Variants in GRIP1 observed in about 807,000 individuals in gnomAD.
GRIP1 encodes the protein glutamate receptor-interacting protein 1.
A neutral mutation model predicts 129.9 loss-of-function variants in GRIP1; 45 were observed. That is an observed-to-expected ratio of 0.35 (90% CI 0.27 to 0.44). The LOEUF (loss-of-function observed/expected upper bound fraction) is 0.44, where lower values mean the gene tolerates loss of function less well. Ranked by LOEUF, GRIP1 falls within the 20% of genes least tolerant of loss-of-function variation. The probability of loss-of-function intolerance (pLI) is 1.00; values close to 1 mark genes in which losing one functional copy is unlikely to be tolerated. For missense variants in GRIP1, 1,196 were observed against 1,396.8 expected, an observed-to-expected ratio of 0.86 and a Z score of 2.29; for synonymous variants, 530 against 520.8, an observed-to-expected ratio of 1.02 and a Z score of -0.24.
At chr12:66,500,612 C>T (rs771717684) in intron 7 of GRIP1, among the ~76,000 whole-genome samples, 22 of 152,248 alleles carry the variant, frequency 1.4e-4, no homozygotes, top group Non-Finnish European at 2.8e-4. Flanking sequence ...CAGTGAGTCT[C>T]TTGCATTTTA....
chr12:66,426,680 G>A (rs2057998305), intron 14 of GRIP1, among the ~76,000 whole-genome samples: 1 of 152,028 alleles, frequency 6.6e-6, no homozygotes, highest in African/African-American at 2.4e-5. Flanking sequence ...TGGTCCTAAA[G>A]AGCTGTTCAA....
At chr12:66,959,665 T>C (rs2041893992) in intron 1 of GRIP1, among the ~76,000 whole-genome samples, 1 of 152,046 alleles carries the variant, frequency 6.6e-6, no homozygotes. Context: ...AAATAGAAAA[T>C]ATCATTTTAA....
intron 1 of GRIP1, among the ~76,000 whole-genome samples, chr12:66,721,849 C>T (rs1191296901): frequency 6.6e-6 from 1 of 152,202 alleles, no homozygotes; most frequent in East Asian, 1.9e-4. Flanking sequence ...TCACCTTGTA[C>T]TTTTATGTTA....
At position 66,755,224 on chromosome 12, in the gene GRIP1, C is replaced by A. The variant is rs1306204210; in HGVS notation, c.-420+48829G>T. Among the ~76,000 whole-genome samples, 3 of 152,128 alleles carry A rather than the reference C, an allele frequency of 2.0e-5. No individual in the cohort carries two copies. The East Asian group carries it at 5.8e-4, about 29-fold the overall frequency. On this transcript the variant is annotated intron_variant, in intron 1 of 4. Coordinates refer to the GRIP1 transcript ENST00000538373. ...AAACAGTAAAAAGGCAATGAAAAAA[C>A]AAGCCTTTAATATTTTTTTAGAAAT...
chr12:66,526,660 A>G (rs554583840), intron 5 of GRIP1, among the ~76,000 whole-genome samples: 11 of 148,524 alleles, frequency 7.4e-5, no homozygotes, highest in African/African-American at 2.5e-4. Context: ...AATGGCAACA[A>G]AAGCCAAAAT....
At chr12:66,983,014 C>T (rs2042261401) in intron 1 of GRIP1, among the ~76,000 whole-genome samples, 1 of 152,176 alleles carries the variant, frequency 6.6e-6, no homozygotes, top group Non-Finnish European at 1.5e-5. Flanking sequence ...TCATTAGCTT[C>T]TGGCACTTTT....
intron 1 of GRIP1, among the ~76,000 whole-genome samples, chr12:66,620,776 C>T (rs1007314542): frequency 2.0e-5 from 3 of 151,946 alleles, no homozygotes; most frequent in Admixed American, 1.3e-4. Flanking sequence ...CCTCACCCCC[C>T]CAACCCCTCC....
intron 1 of GRIP1, among the ~76,000 whole-genome samples, chr12:66,711,126 C>T (rs1304529138): frequency 6.6e-6 from 1 of 151,736 alleles, no homozygotes; most frequent in Non-Finnish European, 1.5e-5. Context: ...AGATGCATAA[C>T]CTGATTTAGA....
In GRIP1 at chr12:66,371,786, G is replaced by A. The variant is rs1316562769; in HGVS notation, c.2920C>T (p.Pro974Ser). The A allele has an allele frequency of 6.2e-7, 1 of 1,614,000 alleles. No individual in the cohort carries two copies. The highest frequency in any genetic ancestry group is 8.5e-7 in the Non-Finnish European group (1 of 1,179,874). ...YSQTTRSNTL[P>S]SDVGRKSVTL... The stretch of plus-strand genomic sequence containing the variant: ...ACTGACTTCCTACCCACATCTGAAG[G>A]CAGGGTGTTGCTCCGAGTTGTTTGG... Residue 974 changes from proline to serine, a missense_variant, in exon 23 of 25, where the codon CCT becomes TCT. Coordinates refer to ENST00000359742, the MANE Select transcript of GRIP1 (RefSeq NM_001366722.1).
At chr12:66,973,889 TAC>T (rs1234203625) in intron 1 of GRIP1, among the ~76,000 whole-genome samples, 60 of 151,224 alleles carry the variant, frequency 4.0e-4, no homozygotes, top group Non-Finnish European at 7.4e-5. Context: ...TTTCCTAGAA[TAC>T]ACAGTTAGAA....
chr12:66,577,523 G>A (rs1286610573), intron 2 of GRIP1, among the ~76,000 whole-genome samples: 2 of 152,210 alleles, frequency 1.3e-5, no homozygotes, highest in African/African-American at 4.8e-5. Context: ...TCATCATTGT[G>A]TAAGGGTTGA....
At chr12:66,645,779 A>G (rs1194584339) in intron 1 of GRIP1, among the ~76,000 whole-genome samples, 10 of 152,230 alleles carry the variant, frequency 6.6e-5, no homozygotes, top group Non-Finnish European at 1.0e-4. Context: ...ATAATTAAAA[A>G]TTGAACTCAG....
At chr12:66,951,153 T>G (rs2041750494) in intron 1 of GRIP1, among the ~76,000 whole-genome samples, 3 of 152,214 alleles carry the variant, frequency 2.0e-5, no homozygotes, top group African/African-American at 7.2e-5. Context: ...ATTTTAGCTG[T>G]GTTAAATGCT....
chr12:66,709,773 A>C (rs956871851), intron 1 of GRIP1, among the ~76,000 whole-genome samples: 2 of 152,046 alleles, frequency 1.3e-5, no homozygotes, highest in African/African-American at 4.8e-5. Flanking sequence ...TAGCAGCACA[A>C]GTGCAGGAGC....
Position 66,529,857 on chromosome 12 carries a change from C to A in GRIP1, c.476G>T (p.Gly159Val). 6.2e-7 allele frequency: 1 copy of A among 1,601,430 alleles called. No individual in the cohort carries two copies. Among genetic ancestry groups the A allele is most frequent in the South Asian group, 1.1e-5 (1 of 90,838 alleles). ...RTVEVTLHKE[G>V]NTFGFVIRGG... ...TCGAATTACAAAACCAAAGGTATTG[C>A]CTTCTTTATGTAATGTGACCTCCAC... The change falls in exon 5 of 25, where the codon GGC becomes GTC. Residue 159 changes from glycine to valine, a missense_variant. By Grantham distance (109) the Gly-to-Val change is moderately radical. This residue lies in a region of GRIP1 where 217 missense variants were observed against 224.8 expected (regional missense o/e 0.97). Coordinates refer to ENST00000359742, the MANE Select transcript of GRIP1 (RefSeq NM_001366722.1).
intron 2 of GRIP1, among the ~76,000 whole-genome samples, chr12:66,583,426 G>A (rs2139640973): frequency 7.0e-6 from 1 of 141,954 alleles, no homozygotes; most frequent in African/African-American, 2.7e-5. Flanking sequence ...TTAAACTAAA[G>A]AGCTTCTGCA....
chr12:66,602,848 C>CTTTTTTTTTTTT (rs71436016), intron 1 of GRIP1, among the ~76,000 whole-genome samples: 4 of 71,662 alleles, frequency 5.6e-5, no homozygotes, highest in African/African-American at 1.4e-4. Flanking sequence ...AGATCTTTTG[C>CTTTTTTTTTTTT]TTTTTTTTTT....
At chr12:66,961,261 G>C (rs1478859295) in intron 1 of GRIP1, among the ~76,000 whole-genome samples, 1 of 151,864 alleles carries the variant, frequency 6.6e-6, no homozygotes, top group African/African-American at 2.4e-5. Context: ...AGGGGAGACG[G>C]GTGTCAGGAA....
At chr12:66,600,441 A>G (rs780269984) in intron 1 of GRIP1, among the ~76,000 whole-genome samples, 1 of 152,266 alleles carries the variant, frequency 6.6e-6, no homozygotes, top group Non-Finnish European at 1.5e-5. Context: ...ATGTTTGCTG[A>G]TAAAATATGT....
Sources: gnomAD v4.1 joint callset for allele counts (sites outside exome capture counted in the v4.1 genomes callset) on GRCh38, gnomAD v4.1.1 for gene constraint, gnomAD v4.1.1 regional missense constraint, MANE v1.5 for transcripts, NCBI Gene and HGNC (gene_info 2026-07-23, HGNC 2026-07-21) for gene names.